ERBB4: variants seen among roughly 807,000 people sequenced by gnomAD.
ERBB4 encodes the protein erb-b2 receptor tyrosine kinase 4, also known as receptor tyrosine-protein kinase erbB-4.
A neutral mutation model predicts 158.0 loss-of-function variants in ERBB4; 42 were observed. The ratio of observed to expected loss-of-function variants is 0.27; its 90% CI spans 0.21 to 0.34. The LOEUF (loss-of-function observed/expected upper bound fraction) is 0.34. Ranked by LOEUF, ERBB4 falls within the 10% of genes least tolerant of loss-of-function variation. The probability of loss-of-function intolerance (pLI) is 1.00; values close to 1 mark genes in which losing one functional copy is unlikely to be tolerated. For missense variants in ERBB4, 1,333 were observed against 1,624.1 expected, an observed-to-expected ratio of 0.82 and a Z score of 3.08; for synonymous variants, 583 against 558.7, an observed-to-expected ratio of 1.04 and a Z score of -0.61.
intron 5 of ERBB4, among the ~76,000 whole-genome samples, chr2:211,745,940 C>T (rs1020595983): frequency 1.3e-5 from 2 of 152,140 alleles, no homozygotes; most frequent in African/African-American, 4.8e-5. Flanking sequence ...AGATTAAGAA[C>T]ACTTAGGTTA....
intron 1 of ERBB4, among the ~76,000 whole-genome samples, chr2:212,530,665 C>T (rs1013054411): frequency 6.6e-6 from 1 of 152,086 alleles, no homozygotes; most frequent in Non-Finnish European, 1.5e-5. Flanking sequence ...TGAGATAACC[C>T]CAGCAGAGGA....
At chr2:212,537,909 C>A (rs1253460861) in intron 1 of ERBB4, among the ~76,000 whole-genome samples, 1 of 152,168 alleles carries the variant, frequency 6.6e-6, no homozygotes, top group African/African-American at 2.4e-5. Context: ...GCGCGAGTTG[C>A]GTCTGACGCC....
intron 20 of ERBB4, among the ~76,000 whole-genome samples, chr2:211,519,427 C>A (rs143896397): frequency 6.6e-6 from 1 of 152,058 alleles, no homozygotes; most frequent in African/African-American, 2.4e-5. Context: ...TCCTCCACTG[C>A]CATGGGTACC....
At chr2:211,389,121 C>G (rs190116891) in intron 25 of ERBB4, among the ~76,000 whole-genome samples, 11 of 152,112 alleles carry the variant, frequency 7.2e-5, no homozygotes, top group Admixed American at 7.2e-4. Context: ...CTGCAAGCTC[C>G]GCCTCCCGGG....
At chr2:212,422,343 A>G (rs1392871918) in intron 1 of ERBB4, among the ~76,000 whole-genome samples, 1 of 152,102 alleles carries the variant, frequency 6.6e-6, no homozygotes, top group Non-Finnish European at 1.5e-5. Flanking sequence ...TGTCTCTACT[A>G]AAAATACAAA....
chr2:211,737,613 C>A (rs2074645444), intron 5 of ERBB4, among the ~76,000 whole-genome samples: 1 of 152,092 alleles, frequency 6.6e-6, no homozygotes, highest in Non-Finnish European at 1.5e-5. Context: ...CATTGCTTAA[C>A]CTCTCTGTGA....
intron 16 of ERBB4, among the ~76,000 whole-genome samples, chr2:211,655,431 T>C (rs1052594745): frequency 1.3e-5 from 2 of 152,164 alleles, no homozygotes; most frequent in African/African-American, 4.8e-5. Context: ...ATTTATGAAC[T>C]ATATTAGTAT....
At chr2:212,450,578 C>T (rs1560359358) in intron 1 of ERBB4, among the ~76,000 whole-genome samples, 5 of 152,030 alleles carry the variant, frequency 3.3e-5, no homozygotes, top group Non-Finnish European at 5.9e-5. Context: ...CTGCTGACTC[C>T]TTGATTTTAG....
At chr2:212,361,426 G>T (rs2089682353) in intron 1 of ERBB4, among the ~76,000 whole-genome samples, 1 of 151,446 alleles carries the variant, frequency 6.6e-6, no homozygotes, top group South Asian at 2.1e-4. Context: ...AAAGAGGGAA[G>T]GTTTTGCATA....
chr2:212,369,511 C>T (rs2090010994), intron 1 of ERBB4, among the ~76,000 whole-genome samples: 1 of 151,946 alleles, frequency 6.6e-6, no homozygotes, highest in African/African-American at 2.4e-5. Flanking sequence ...TTCTATTTTT[C>T]TTCACTCATC....
chr2:212,288,424 G>A (rs996877602), intron 1 of ERBB4, among the ~76,000 whole-genome samples: 1 of 152,110 alleles, frequency 6.6e-6, no homozygotes, highest in African/African-American at 2.4e-5. Context: ...TACTGAGACA[G>A]CCAAGTAAAA....
chr2:212,257,650 A>G (rs747866190), intron 1 of ERBB4, among the ~76,000 whole-genome samples: 2 of 152,178 alleles, frequency 1.3e-5, no homozygotes, highest in Non-Finnish European at 2.9e-5. Context: ...TGCATAAACA[A>G]TCATGGAATT....
At chr2:212,055,824 G>A (rs1220520397) in intron 2 of ERBB4, among the ~76,000 whole-genome samples, 1 of 152,170 alleles carries the variant, frequency 6.6e-6, no homozygotes, top group Non-Finnish European at 1.5e-5. Flanking sequence ...CACAAAGATG[G>A]GGAAAAAACA....
At position 212,512,857 on chromosome 2, in the gene ERBB4, G is replaced by A. The variant is rs936877509; in HGVS notation, c.82+25592C>T. ...CCCCTAGCAGAACATGAAAGTTCCC[G>A]TGGCCTGTTTCTACATTTCACTCTC... On this transcript the variant is annotated intron_variant, in intron 1 of 27. Coordinates refer to ENST00000342788, the MANE Select transcript of ERBB4 (RefSeq NM_005235.3). Among the ~76,000 whole-genome samples the A allele has an allele frequency of 3.9e-5, 6 of 152,196 alleles. No homozygotes were observed. The East Asian group carries it at 5.8e-4, about 15-fold the overall frequency.
At chr2:211,397,027 C>T (rs189056905) in intron 25 of ERBB4, among the ~76,000 whole-genome samples, 1 of 152,130 alleles carries the variant, frequency 6.6e-6, no homozygotes, top group Admixed American at 6.5e-5. Flanking sequence ...ACATGACTGT[C>T]CCATCAGCCC....
At chr2:211,465,663 A>C (rs6756178) in intron 20 of ERBB4, among the ~76,000 whole-genome samples, 1 of 152,086 alleles carries the variant, frequency 6.6e-6, no homozygotes, top group Admixed American at 6.6e-5. Context: ...CTGTATAATC[A>C]AAATCTATCT....
At position 211,546,208 on chromosome 2, in the gene ERBB4, A is replaced by C. The variant is rs956620624; in HGVS notation, c.2487+15695T>G. On this transcript the variant is annotated intron_variant, in intron 20 of 27. Coordinates refer to ENST00000342788, the MANE Select transcript of ERBB4 (RefSeq NM_005235.3). ...ATCCCTTTTCACACATACATATTTC[A>C]CTGGGTATTGTAGAATTGTGGCTAC... 2.0e-5 allele frequency among the ~76,000 whole-genome samples: 3 copies of C among 152,098 alleles called. No homozygotes were observed. The East Asian group carries it at 5.8e-4, about 29-fold the overall frequency.
At chr2:212,510,478 G>T (rs1691455924) in intron 1 of ERBB4, among the ~76,000 whole-genome samples, 1 of 151,750 alleles carries the variant, frequency 6.6e-6, no homozygotes, top group Non-Finnish European at 1.5e-5. Context: ...TTTTAAATAG[G>T]ATTTGGCTAA....
At chr2:212,206,299 A>T (rs534342100) in intron 1 of ERBB4, among the ~76,000 whole-genome samples, 3 of 152,260 alleles carry the variant, frequency 2.0e-5, no homozygotes, top group African/African-American at 7.2e-5. Context: ...TATCACTAGA[A>T]TCAGGTTATC....
Sources: gnomAD v4.1 joint callset for allele counts (sites outside exome capture counted in the v4.1 genomes callset) on GRCh38, gnomAD v4.1.1 for gene constraint, MANE v1.5 for transcripts, NCBI Gene and HGNC (gene_info 2026-07-23, HGNC 2026-07-21) for gene names.